The following FYB1 variants were observed in gnomAD, a reference collection of about 807,000 sequenced individuals.
FYB1 encodes the protein FYN-binding protein 1.
In FYB1, 41 loss-of-function variants were observed where a neutral mutation model predicts 94.1. The ratio of observed to expected loss-of-function variants is 0.44; its 90% CI spans 0.34 to 0.57. FYB1 has a LOEUF of 0.57. Ranked by LOEUF, FYB1 falls within the 20% of genes least tolerant of loss-of-function variation. The pLI is 0.02. For synonymous variants in FYB1, 367 were observed against 353.2 expected (o/e 1.04, Z -0.44); for missense variants, 1,050 against 976.8 (o/e 1.07, Z -1.00).
chr5:39,245,726 G>A (rs1751446936), intron 1 of FYB1, among the ~76,000 whole-genome samples: 1 of 152,034 alleles, frequency 6.6e-6, no homozygotes, highest in Non-Finnish European at 1.5e-5. Flanking sequence ...AGCCTCCTGA[G>A]TAGCTGGGAT....
intron 10 of FYB1, among the ~76,000 whole-genome samples, chr5:39,128,495 C>T (rs75031140): frequency 0.09 from 13,611 of 151,922 alleles, 2,003 homozygotes; most frequent in African/African-American, 0.3. Context: ...AATATAGGGG[C>T]CATTGAACTA....
chr5:39,260,488 A>T (rs914354991), intron 1 of FYB1, among the ~76,000 whole-genome samples: 3 of 152,230 alleles, frequency 2.0e-5, no homozygotes, highest in African/African-American at 7.2e-5. Flanking sequence ...CAAGCAGGAT[A>T]AGTAAAAATA....
intron 2 of FYB1, among the ~76,000 whole-genome samples, chr5:39,155,514 A>T (rs1487725724): frequency 6.6e-6 from 1 of 152,214 alleles, no homozygotes; most frequent in Non-Finnish European, 1.5e-5. Context: ...TGTCCTAACT[A>T]AAATAAAAAT....
intron 1 of FYB1, among the ~76,000 whole-genome samples, chr5:39,254,853 T>C (rs775601916): frequency 6.6e-6 from 1 of 152,056 alleles, no homozygotes; most frequent in Non-Finnish European, 1.5e-5. Context: ...AGTGGAAGTT[T>C]TCATGAAAAA....
At position 39,141,348 on chromosome 5, in the gene FYB1, T is replaced by C. The variant is rs79747504; in HGVS notation, c.1293-207A>G. On this transcript the variant is annotated intron_variant, in intron 3 of 18. Coordinates refer to ENST00000512982, the MANE Select transcript of FYB1 (RefSeq NM_001465.6). ...AATGGAGAATTGGGAAACTGGAGTATAGCACCATCTATTCATAGTAGACTC... is the reference window on the plus strand; with the variant it reads ...AATGGAGAATTGGGAAACTGGAGTACAGCACCATCTATTCATAGTAGACTC... Among the ~76,000 whole-genome samples the C allele has an allele frequency of 0.011, 1,648 of 152,360 alleles. 73 individuals carry two copies. In the East Asian group the frequency reaches 0.14, roughly 13 times the overall value.
At chr5:39,161,311 A>T (rs535715739) in intron 2 of FYB1, among the ~76,000 whole-genome samples, 8 of 152,266 alleles carry the variant, frequency 5.3e-5, no homozygotes, top group South Asian at 2.1e-4. Flanking sequence ...AAAATAATTT[A>T]AAAAAGCAAA....
intron 16 of FYB1, among the ~76,000 whole-genome samples, chr5:39,115,366 A>T (rs1739468003): frequency 6.6e-6 from 1 of 152,160 alleles, no homozygotes; most frequent in African/African-American, 2.4e-5. Context: ...AAGTCCTGGG[A>T]TTACAGGCAT....
chr5:39,265,107 G>A (rs1752373671), intron 1 of FYB1, among the ~76,000 whole-genome samples: 1 of 151,944 alleles, frequency 6.6e-6, no homozygotes, highest in Non-Finnish European at 1.5e-5. Context: ...AGGCCGAGGT[G>A]GGTGGATCGC....
At chr5:39,180,950 C>T (rs534906218) in intron 2 of FYB1, among the ~76,000 whole-genome samples, 1 of 151,184 alleles carries the variant, frequency 6.6e-6, no homozygotes, top group Non-Finnish European at 1.5e-5. Flanking sequence ...ATTTCTGGAA[C>T]AGAAATTCAG....
chr5:39,198,535 A>G (rs1452247730), intron 2 of FYB1, among the ~76,000 whole-genome samples: 14 of 152,324 alleles, frequency 9.2e-5, no homozygotes, highest in Non-Finnish European at 1.8e-4. Flanking sequence ...CCTATTTATG[A>G]CAGTTCAAAT....
chr5:39,238,860 T>C, intron 1 of FYB1, among the ~76,000 whole-genome samples: 1 of 152,116 alleles, frequency 6.6e-6, no homozygotes, highest in Non-Finnish European at 1.5e-5. Flanking sequence ...CCTTGTCACA[T>C]GGTCACACGT....
intron 2 of FYB1, among the ~76,000 whole-genome samples, chr5:39,166,761 G>A (rs1308222068): frequency 3.3e-5 from 5 of 151,970 alleles, no homozygotes; most frequent in East Asian, 1.9e-4. Flanking sequence ...AAATATAGAC[G>A]CGGACATAGA....
chr5:39,206,695 A>C (rs1163737598), intron 1 of FYB1, among the ~76,000 whole-genome samples: 1 of 152,194 alleles, frequency 6.6e-6, no homozygotes, highest in Non-Finnish European at 1.5e-5. Flanking sequence ...TCTCAAACTG[A>C]TCTTCCTCAA....
intron 1 of FYB1, among the ~76,000 whole-genome samples, chr5:39,214,864 G>A (rs1027353575): frequency 6.6e-6 from 1 of 152,188 alleles, no homozygotes; most frequent in African/African-American, 2.4e-5. Context: ...GGGAGGCGGA[G>A]GTTGCAGTGA....
chr5:39,133,298 GGTTTCCTA>G lies in FYB1; in HGVS notation c.1817+902_1817+909del, dbSNP rs1741367420. Among the ~76,000 whole-genome samples, 3 of 152,228 alleles carry G rather than the reference GGTTTCCTA, an allele frequency of 2.0e-5. No homozygotes were observed. In the South Asian group the frequency reaches 6.2e-4, roughly 32 times the overall value. On this transcript the variant is annotated intron_variant, in intron 9 of 18. Transcript: ENST00000512982. The stretch of plus-strand genomic sequence containing the variant: ...TGATGTTTTTTGGGATCACAATGGA[GGTTTCCTA>G]GTTTTATAAAGTAGTCATCAAAAAA...
exon 1 of FYB1, chr5:39,274,442 T>A (rs1196946502): frequency 6.6e-6 from 1 of 152,084 alleles, no homozygotes; most frequent in East Asian, 1.9e-4. Flanking sequence ...CTCACTGATC[T>A]CCTGTTTTTT....
intron 2 of FYB1, among the ~76,000 whole-genome samples, chr5:39,153,919 G>A (rs574209530): frequency 7.9e-5 from 12 of 151,988 alleles, no homozygotes; most frequent in Admixed American, 4.6e-4. Context: ...GACTACACGC[G>A]TGCACCACAA....
chr5:39,263,239 A>G (rs1437713583), intron 1 of FYB1, among the ~76,000 whole-genome samples: 1 of 152,192 alleles, frequency 6.6e-6, no homozygotes, highest in African/African-American at 2.4e-5. Context: ...CCACAAATTT[A>G]GTGTATTCTA....
At chr5:39,175,909 T>A (rs1381096035) in intron 2 of FYB1, among the ~76,000 whole-genome samples, 1 of 152,044 alleles carries the variant, frequency 6.6e-6, no homozygotes, top group African/African-American at 2.4e-5. Context: ...AGAATTCTAA[T>A]GGATAAGGAA....
Sources: gnomAD v4.1 joint callset for allele counts (sites outside exome capture counted in the v4.1 genomes callset) on GRCh38, gnomAD v4.1.1 for gene constraint, MANE v1.5 for transcripts, NCBI Gene and HGNC (gene_info 2026-07-23, HGNC 2026-07-21) for gene names.